Variants in COL16A1 observed in about 807,000 individuals in gnomAD.
COL16A1 encodes the protein collagen alpha-1(XVI) chain.
In COL16A1, 189 loss-of-function variants were observed where a neutral mutation model predicts 266.3. The observed-to-expected ratio is 0.71, with a 90% CI of 0.63 to 0.80. The LOEUF is 0.80. Ranked by LOEUF, COL16A1 falls within the 30% of genes least tolerant of loss-of-function variation. The pLI, the probability that COL16A1 is intolerant of heterozygous loss-of-function variation, is 0.00. For synonymous variants in COL16A1, 740 were observed against 782.3 expected (o/e 0.95, Z 0.90); for missense variants, 1,928 against 2,122.4 (o/e 0.91, Z 1.80).
chr1:31,686,458 G>A, intron 26 of COL16A1, 179 bp from the exon 27 acceptor site: 1 of 840,204 alleles, frequency 1.2e-6, no homozygotes, highest in Admixed American at 2.0e-5. Context: ...CCAGGGGCTA[G>A]AAGCCCTATT....
chr1:31,698,235 C>A lies in COL16A1; in HGVS notation c.391-63G>T. On this transcript the variant is annotated intron_variant, in intron 5 of 70. Transcript: ENST00000373672. This position sits in a 1 kb window ranked among gnomAD's most constrained non-coding sequence, Gnocchi z 4.1. ...GAGCTCCAGAGTCACACCATGGGCA[C>A]GTTCAGGGACCTTGAACTCATTTCA... is the stretch of plus-strand genomic sequence containing the variant. 1 of 1,591,692 alleles carries A rather than the reference C, an allele frequency of 6.3e-7. No individual in the cohort carries two copies. Among genetic ancestry groups the A allele is most frequent in the Non-Finnish European group, 8.6e-7 (1 of 1,168,516 alleles).
chr1:31,696,936 T>G, intron 8 of COL16A1, 27 bp downstream of exon 8: 1 of 1,612,818 alleles, frequency 6.2e-7, no homozygotes, highest in South Asian at 1.1e-5. Flanking sequence ...CTGCCTGTGC[T>G]GGCATCCACC....
Position 31,657,319 on chromosome 1 carries a change from G to A in COL16A1, c.4021-251C>T, listed in dbSNP as rs553222655. On this transcript the variant is annotated intron_variant, in intron 64 of 70. Coordinates refer to ENST00000373672, the MANE Select transcript of COL16A1 (RefSeq NM_001856.4). The surrounding 1 kb of genome is among the most constrained non-coding windows in gnomAD (Gnocchi z 6.4). Reference sequence around the variant, plus strand: ...GAGCTTTACAAGGGAAGAACAGACCGTGCCTGCCTTGCTGTGTGCTTGGAT... The same window carrying A: ...GAGCTTTACAAGGGAAGAACAGACCATGCCTGCCTTGCTGTGTGCTTGGAT... 9.1e-5 allele frequency: 51 copies of A among 563,290 alleles called. No homozygotes were observed. The highest frequency in any genetic ancestry group is 4.7e-4 in the Middle Eastern group (1 of 2,124). 34.9% of individuals were successfully genotyped at this position (563,290 alleles called of 1,614,324 possible).
In COL16A1 at chr1:31,697,297, C is replaced by T; in HGVS notation, c.661G>A (p.Asp221Asn). 6.2e-7 allele frequency: 1 copy of T among 1,607,546 alleles called. No homozygotes were observed. Among genetic ancestry groups the T allele is most frequent in the Non-Finnish European group, 8.5e-7 (1 of 1,176,838 alleles). ...CAGTAGATGTGCACCTGCTGAAGGT[C>T]AAACTGCAGGAGACACACACATCAA... ...DAEQGKPVSF[D>N]LQQVHIYCDP... The change falls in exon 7 of 71, where the codon GAC becomes AAC. Residue 221 changes from aspartate to asparagine, a missense_variant. Physicochemically the swap from Asp to Asn is conservative, Grantham distance 23 (BLOSUM62 1). Coordinates refer to ENST00000373672, the MANE Select transcript of COL16A1 (RefSeq NM_001856.4). This position sits in a 1 kb window ranked among gnomAD's most constrained non-coding sequence, Gnocchi z 4.2.
chr1:31,674,714 G>A (rs906148397), intron 44 of COL16A1, among the ~76,000 whole-genome samples: 17 of 152,160 alleles, frequency 1.1e-4, no homozygotes, highest in South Asian at 2.1e-4. Context: ...CGGGTGCTAC[G>A]GGGTCTCATT....
At chr1:31,654,300 C>T (rs1023230847) in intron 68 of COL16A1, among the ~76,000 whole-genome samples, 1 of 152,200 alleles carries the variant, frequency 6.6e-6, no homozygotes, top group Non-Finnish European at 1.5e-5. Flanking sequence ...CATTAGTTCA[C>T]CGCTGGCTTC....
rs1365432808 is a variant in COL16A1, at chr1:31,692,656, C to G, written c.1114-14G>C. ...GCCTTCTGCACACTGAACAGGGGAA[C>G]ACAGTGTTGAGAGGGGCAGAGGGTC... On this transcript the variant is annotated splice_polypyrimidine_tract_variant and intron_variant, in intron 14 of 70. Transcript: ENST00000373672. 6.2e-7 allele frequency: 1 copy of G among 1,614,108 alleles called. No homozygotes were observed. The highest frequency in any genetic ancestry group is 2.2e-5 in the East Asian group (1 of 44,878).
intron 1 of COL16A1, among the ~76,000 whole-genome samples, chr1:31,703,367 C>T (rs1437203415): frequency 6.6e-6 from 1 of 152,120 alleles, no homozygotes; most frequent in Non-Finnish European, 1.5e-5. Context: ...GGACTCCAGC[C>T]CCCTTCTCCC....
At chr1:31,700,739 C>G (rs561565765) in intron 2 of COL16A1, among the ~76,000 whole-genome samples, 62 of 152,252 alleles carry the variant, frequency 4.1e-4, no homozygotes, top group African/African-American at 1.4e-3. Flanking sequence ...CAAGTAGGAG[C>G]CAACAGAATG....
At position 31,688,647 on chromosome 1, in the gene COL16A1, A is replaced by T. The variant is rs1289336227; in HGVS notation, c.1768-145T>A. On this transcript the variant is annotated intron_variant, in intron 25 of 70. Coordinates refer to ENST00000373672, the MANE Select transcript of COL16A1 (RefSeq NM_001856.4). The surrounding 1 kb of genome is among the most constrained non-coding windows in gnomAD (Gnocchi z 4.9). Reference sequence around the variant, plus strand: ...GCTGGACAGTTTCTTCAGTTAGACAACTGAAGCTAGAGGTGCTAAGAGGAA... The same window carrying T: ...GCTGGACAGTTTCTTCAGTTAGACATCTGAAGCTAGAGGTGCTAAGAGGAA... 8.0e-7 allele frequency: 1 copy of T among 1,249,926 alleles called. No homozygotes were observed. The highest frequency in any genetic ancestry group is 2.3e-5 in the East Asian group (1 of 43,076). 77.4% of individuals were successfully genotyped at this position (1,249,926 alleles called of 1,614,324 possible).
At chr1:31,686,007 C>G (rs1452674425) in intron 28 of COL16A1, 84 bp downstream of exon 28, 2 of 1,581,782 alleles carry the variant, frequency 1.3e-6, no homozygotes, top group Non-Finnish European at 1.7e-6. Flanking sequence ...GCAAGGAGCC[C>G]CAGAGGGTTC....
In COL16A1 at chr1:31,683,179, G is replaced by A. The variant is rs769838270; in HGVS notation, c.2469+15C>T. ...GAATACTGCAGGCCCAATACCCATG[G>A]AGGCAGAGGCTCACCTGGGCACCCT... On this transcript the variant is annotated intron_variant, in intron 36 of 70. Transcript: ENST00000373672. 1 of 1,613,988 alleles carries A rather than the reference G, an allele frequency of 6.2e-7. No homozygotes were observed. Among genetic ancestry groups the A allele is most frequent in the African/African-American group, 1.3e-5 (1 of 74,910 alleles).
chr1:31,662,946 G>A, intron 56 of COL16A1: 2 of 543,422 alleles, frequency 3.7e-6, no homozygotes, highest in Non-Finnish European at 6.6e-6. Context: ...CAGGGGCTCA[G>A]TAGCATGTGC....
At chr1:31,701,349 CAT>C in intron 2 of COL16A1, 1 of 985,424 alleles carries the variant, frequency 1.0e-6, no homozygotes, top group Non-Finnish European at 1.2e-6. Context: ...AGCAGAAACA[CAT>C]ATGTGCACAT....
chr1:31,662,724 T>C (rs756199905), intron 56 of COL16A1, 66 bp from the exon 57 acceptor site: 20 of 1,326,004 alleles, frequency 1.5e-5, no homozygotes, highest in Non-Finnish European at 1.9e-5. Context: ...GCCCCACCCA[T>C]GGAGACCAGG....
At position 31,699,833 on chromosome 1, in the gene COL16A1, G is replaced by A. The variant is rs1570605220; in HGVS notation, c.246C>T (p.Ala82=). ...TTTACCGCGTGGGCTGGGTCACGGG[G>A]GCCGCCCCCAGGCGCAGGATGAGAG... ...KGPLILRLGA[A]PVTQPTRRVF... is the part of the protein sequence containing the mutation. Residue 82 remains alanine (A), a synonymous_variant, in exon 4 of 71, where the codon GCC becomes GCT. Coordinates refer to ENST00000373672, the MANE Select transcript of COL16A1 (RefSeq NM_001856.4). 6.2e-7 allele frequency: 1 copy of A among 1,612,116 alleles called. No homozygotes were observed. The highest frequency in any genetic ancestry group is 2.2e-5 in the East Asian group (1 of 44,876).
intron 1 of COL16A1, 82 bp from the exon 2 acceptor site, chr1:31,702,309 G>A (rs1644752545): frequency 7.0e-7 from 1 of 1,433,906 alleles, no homozygotes; most frequent in Non-Finnish European, 9.6e-7. Flanking sequence ...TGGACAGCCT[G>A]TGGGGCCCAG....
rs201832066 is a variant in COL16A1 at position 31,672,584 on chromosome 1, C to T, written c.3018+12G>A. ...TGGGGCATGATCGGGGGAGATAAGG[C>T]GAGGCACTCACCCGGGCCTCCTCGG... On this transcript the variant is annotated intron_variant, in intron 46 of 70. Coordinates refer to ENST00000373672, the MANE Select transcript of COL16A1 (RefSeq NM_001856.4). 159 of 1,608,344 alleles carry T rather than the reference C, an allele frequency of 9.9e-5. 1 individual carries two copies. The African/African-American group carries it at 1.3e-3, about 14-fold the overall frequency.
intron 37 of COL16A1, 134 bp downstream of exon 37, chr1:31,682,800 A>C: frequency 9.4e-7 from 1 of 1,067,352 alleles, no homozygotes; most frequent in Non-Finnish European, 1.4e-6. Context: ...TCCTTGTCTG[A>C]GGCTGGGCTG....
Sources: allele counts gnomAD v4.1 joint callset (sites outside exome capture counted in the v4.1 genomes callset), GRCh38; gene constraint gnomAD v4.1.1; non-coding constraint Gnocchi (gnomAD v3.1); transcripts MANE v1.5; gene names NCBI Gene and HGNC (gene_info 2026-07-23, HGNC 2026-07-21).